Variants in PSG5 observed in about 807,000 individuals in gnomAD.
The protein encoded by PSG5 is pregnancy-specific beta-1-glycoprotein 5.
In PSG5, 53 loss-of-function variants were observed where a neutral mutation model predicts 37.7. The ratio of observed to expected loss-of-function variants is 1.41; its 90% CI spans 1.13 to 1.77. The LOEUF (loss-of-function observed/expected upper bound fraction) is 1.77, where lower values mean the gene tolerates loss of function less well. Ranked by LOEUF, PSG5 falls within the 40% of genes most tolerant of loss-of-function variation. The pLI is 0.00. For missense variants in PSG5, 547 were observed against 405.2 expected, an observed-to-expected ratio of 1.35 and a Z score of -3.00; for synonymous variants, 221 against 155.4, an observed-to-expected ratio of 1.42 and a Z score of -3.14.
chr19:43,178,784 C>A, intron 2 of PSG5: 2 of 1,608,932 alleles, frequency 1.2e-6, no homozygotes, highest in South Asian at 2.2e-5. Flanking sequence ...GTAAAGGTCT[C>A]TGTACTTGGA....
chr19:43,175,092 T>C, intron 4 of PSG5, 123 bp downstream of exon 4: 1 of 1,590,788 alleles, frequency 6.3e-7, no homozygotes, highest in Middle Eastern at 2.3e-4. Context: ...AGGAGGAGAA[T>C]TTGGGATTTG....
rs1015216301 is a variant in PSG5, at chr19:43,177,620, T to G, written c.431-1472A>C. 1.3e-4 allele frequency among the ~76,000 whole-genome samples: 19 copies of G among 151,508 alleles called. 1 individual carries two copies. The highest frequency in any genetic ancestry group is 1.1e-3 in the Admixed American group (17 of 15,172). Reference sequence around the variant, plus strand: ...GAAGGCTTTTGGATGTGAGAAAGGCTGATTGCTGTCTTCTATGTCATGAGA... The same window carrying G: ...GAAGGCTTTTGGATGTGAGAAAGGCGGATTGCTGTCTTCTATGTCATGAGA... On this transcript the variant is annotated intron_variant, in intron 2 of 5. Coordinates refer to ENST00000342951, the MANE Select transcript of PSG5 (RefSeq NM_002781.4).
At chr19:43,182,759 G>A (rs1969156589) in intron 2 of PSG5, among the ~76,000 whole-genome samples, 1 of 131,134 alleles carries the variant, frequency 7.6e-6, no homozygotes, top group Admixed American at 8.3e-5. Flanking sequence ...TGGCAATTAT[G>A]AATGGATGGA....
Position 43,186,496 on chromosome 19 carries a change from CCTT to C in PSG5, c.-94_-92del. On this transcript the variant is annotated 5_prime_UTR_variant, in exon 1 of 6. Coordinates refer to ENST00000342951, the MANE Select transcript of PSG5 (RefSeq NM_002781.4). Reference sequence around the variant, plus strand: ...GGCTGTAGGCTGTGCTGTCCTTCCTCCTTCTGTGCTGAGCCTCTCTCCAGGGCA... The same window carrying C: ...GGCTGTAGGCTGTGCTGTCCTTCCTCCTGTGCTGAGCCTCTCTCCAGGGCA... 6.3e-7 allele frequency: 1 copy of C among 1,575,718 alleles called. No individual in the cohort carries two copies. Among genetic ancestry groups the C allele is most frequent in the Non-Finnish European group, 8.6e-7 (1 of 1,158,272 alleles).
At chr19:43,173,414 G>C (rs1968943354) in intron 4 of PSG5, among the ~76,000 whole-genome samples, 1 of 151,494 alleles carries the variant, frequency 6.6e-6, no homozygotes, top group South Asian at 2.1e-4. Context: ...AAAGTAAAAA[G>C]GCAACCTATG....
At chr19:43,169,014 A>C (rs957077925) in intron 5 of PSG5, among the ~76,000 whole-genome samples, 1 of 151,576 alleles carries the variant, frequency 6.6e-6, no homozygotes, top group Non-Finnish European at 1.5e-5. Context: ...AAAAATTACC[A>C]ATGCCTTGGT....
Position 43,181,615 on chromosome 19 carries a change from C to T in PSG5, c.430+3167G>A, listed in dbSNP as rs138587482. The stretch of plus-strand genomic sequence containing the variant: ...CTGGGACTACAGGCATCCGCCACCA[C>T]GCCCAGCTAATTTTTTGTATTTTTA... On this transcript the variant is annotated intron_variant, in intron 2 of 5. Transcript: ENST00000342951. Among the ~76,000 whole-genome samples, 188 of 151,802 alleles carry T rather than the reference C, an allele frequency of 1.2e-3. 4 individuals are homozygous for T. The highest frequency in any genetic ancestry group is 4.1e-3 in the African/African-American group (169 of 41,300).
chr19:43,175,852 G>T lies in PSG5; in HGVS notation c.709+18C>A, dbSNP rs760627669. The T allele has an allele frequency of 2.5e-6, 4 of 1,611,266 alleles. No individual in the cohort carries two copies. The African/African-American group carries it at 5.4e-5, about 22-fold the overall frequency. On this transcript the variant is annotated intron_variant, in intron 3 of 5. Transcript: ENST00000342951. ...TTAAGCTGGTGTCCTGGCCCACAGA[G>T]GAACAAAAGATACTCACAGAGGACA...
chr19:43,183,807 G>C (rs1313221206), intron 2 of PSG5, among the ~76,000 whole-genome samples: 2 of 151,520 alleles, frequency 1.3e-5, no homozygotes, highest in Non-Finnish European at 2.9e-5. Context: ...GACCTCATGT[G>C]ACCCTGATCT....
At chr19:43,181,613 C>A (rs1210060178) in intron 2 of PSG5, among the ~76,000 whole-genome samples, 2 of 151,684 alleles carry the variant, frequency 1.3e-5, no homozygotes, top group Non-Finnish European at 2.9e-5. Flanking sequence ...CATCCGCCAC[C>A]ACGCCCAGCT....
At position 43,178,839 on chromosome 19, in the gene PSG5, G is replaced by T. The variant is rs754548887; in HGVS notation, c.431-2691C>A. 1.9e-5 allele frequency: 30 copies of T among 1,612,484 alleles called. No individual in the cohort carries two copies. In the East Asian group the frequency reaches 6.5e-4, roughly 35 times the overall value. The stretch of plus-strand genomic sequence containing the variant: ...CCTGGCCTCTGGCCATGTGTATTTG[G>T]GATGGCAGCCTGGCTCACAGAGGAA... On this transcript the variant is annotated intron_variant, in intron 2 of 5. Coordinates refer to ENST00000342951, the MANE Select transcript of PSG5 (RefSeq NM_002781.4).
At chr19:43,184,610 A>G (rs1219129306) in intron 2 of PSG5, among the ~76,000 whole-genome samples, 172 bp downstream of exon 2, 2 of 151,316 alleles carry the variant, frequency 1.3e-5, no homozygotes, top group Non-Finnish European at 2.9e-5. Flanking sequence ...AGGAATTCTG[A>G]TCTGTTGAAA....
intron 4 of PSG5, 71 bp from the exon 5 acceptor site, chr19:43,170,209 G>A: frequency 7.8e-7 from 1 of 1,285,420 alleles, no homozygotes; most frequent in South Asian, 1.2e-5. Context: ...TCAGGAAGAG[G>A]CATGTAGCAT....
intron 4 of PSG5, among the ~76,000 whole-genome samples, chr19:43,173,016 G>A (rs1295875795): frequency 2.0e-5 from 3 of 151,662 alleles, no homozygotes; most frequent in Admixed American, 6.6e-5. Context: ...TGTGGTACTG[G>A]CATAAAGGAG....
At chr19:43,184,483 G>T (rs1969200147) in intron 2 of PSG5, among the ~76,000 whole-genome samples, 1 of 151,558 alleles carries the variant, frequency 6.6e-6, no homozygotes, top group South Asian at 2.1e-4. Flanking sequence ...CTTTCTCAGG[G>T]TCAAATTTAT....
intron 2 of PSG5, among the ~76,000 whole-genome samples, chr19:43,181,680 C>G (rs555789836): frequency 6.6e-6 from 1 of 151,678 alleles, no homozygotes; most frequent in Non-Finnish European, 1.5e-5. Context: ...GGATGGTCTC[C>G]ATCTTCTGAC....
At chr19:43,169,630 G>A (rs2355425) in intron 5 of PSG5, among the ~76,000 whole-genome samples, 3 of 151,618 alleles carry the variant, frequency 2.0e-5, no homozygotes, top group East Asian at 1.9e-4. Flanking sequence ...TCTTGATTAA[G>A]TGAATTAACT....
intron 1 of PSG5, among the ~76,000 whole-genome samples, chr19:43,185,435 C>A (rs1419598735): frequency 1.3e-5 from 2 of 148,386 alleles, no homozygotes; most frequent in African/African-American, 2.6e-5. Flanking sequence ...CGGCACCCCC[C>A]CCCCCCCACA....
At chr19:43,184,745 G>C (rs1426018520) in intron 2 of PSG5, 37 bp downstream of exon 2, 2 of 1,602,114 alleles carry the variant, frequency 1.2e-6, no homozygotes, top group African/African-American at 2.7e-5. Flanking sequence ...AATGACCCCT[G>C]TCCCCCAACA....
Sources: allele counts gnomAD v4.1 joint callset (sites outside exome capture counted in the v4.1 genomes callset), GRCh38; gene constraint gnomAD v4.1.1; transcripts MANE v1.5; gene names NCBI Gene and HGNC (gene_info 2026-07-23, HGNC 2026-07-21).